Variants in CRYBG1 observed in about 807,000 individuals in gnomAD.
CRYBG1 encodes crystallin beta-gamma domain containing 1.
A neutral mutation model predicts 189.2 loss-of-function variants in CRYBG1; 139 were observed. The ratio of observed to expected loss-of-function variants is 0.73; its 90% CI spans 0.64 to 0.85. CRYBG1 has a LOEUF of 0.85. CRYBG1 is among the 40% of genes least tolerant of loss of function. The probability of loss-of-function intolerance (pLI) is 0.00; values close to 1 mark genes in which losing one functional copy is unlikely to be tolerated. For missense variants in CRYBG1, 2,611 were observed against 2,675.8 expected (o/e 0.98, Z 0.53); for synonymous variants, 1,023 against 1,017.1 (o/e 1.01, Z -0.11).
At chr6:106,371,611 A>G (rs1055616051) in intron 1 of CRYBG1, among the ~76,000 whole-genome samples, 5 of 152,212 alleles carry the variant, frequency 3.3e-5, no homozygotes, top group African/African-American at 1.2e-4. Flanking sequence ...GGACTCAATT[A>G]TCAATCAGGA....
At chr6:106,401,604 T>G (rs1174371722) in intron 1 of CRYBG1, among the ~76,000 whole-genome samples, 1 of 111,780 alleles carries the variant, frequency 8.9e-6, no homozygotes, top group Non-Finnish European at 1.8e-5. Flanking sequence ...CCCCTTCCTG[T>G]GTCCAAGTGA....
chr6:106,372,840 G>A (rs1353821232), intron 1 of CRYBG1, among the ~76,000 whole-genome samples: 1 of 152,144 alleles, frequency 6.6e-6, no homozygotes, highest in African/African-American at 2.4e-5. Context: ...GTGCCAAATA[G>A]GTATTTCTAC....
At chr6:106,473,457 G>A (rs540167157) in intron 2 of CRYBG1, among the ~76,000 whole-genome samples, 1 of 152,164 alleles carries the variant, frequency 6.6e-6, no homozygotes. Context: ...CTATACAGTG[G>A]TTAGTATACA....
intron 1 of CRYBG1, among the ~76,000 whole-genome samples, chr6:106,379,280 G>A (rs758073622): frequency 1.4e-4 from 20 of 143,804 alleles, no homozygotes; most frequent in African/African-American, 3.1e-4. Flanking sequence ...TTTTTTTTTC[G>A]AGACAGAGTC....
chr6:106,568,634 G>A lies in CRYBG1; in HGVS notation c.*68G>A, dbSNP rs1774964824. ...CTTATTTCTTAAAAAGGACAATGCTGATGGAAGACCAGACTGGAAAGTGGA... is the reference window on the plus strand; with the variant it reads ...CTTATTTCTTAAAAAGGACAATGCTAATGGAAGACCAGACTGGAAAGTGGA... On this transcript the variant is annotated 3_prime_UTR_variant, in exon 22 of 22. Coordinates refer to ENST00000633556, the MANE Select transcript of CRYBG1 (RefSeq NM_001371242.2). 8.5e-7 allele frequency: 1 copy of A among 1,171,938 alleles called. No homozygotes were observed. Among genetic ancestry groups the A allele is most frequent in the East Asian group, 2.3e-5 (1 of 42,694 alleles). 72.6% of individuals were successfully genotyped at this position (1,171,938 alleles called of 1,614,324 possible).
At chr6:106,392,386 T>A (rs1381016650) in intron 1 of CRYBG1, among the ~76,000 whole-genome samples, 1 of 152,130 alleles carries the variant, frequency 6.6e-6, no homozygotes, top group Non-Finnish European at 1.5e-5. Context: ...TGATTTCTCA[T>A]CCTCTTTCTT....
At chr6:106,499,461 G>A (rs1772951748) in intron 2 of CRYBG1, among the ~76,000 whole-genome samples, 1 of 151,120 alleles carries the variant, frequency 6.6e-6, no homozygotes, top group Non-Finnish European at 1.5e-5. Flanking sequence ...CACCCAGCCT[G>A]TGTGTGTTTT....
chr6:106,463,683 A>G (rs564360929), intron 2 of CRYBG1, among the ~76,000 whole-genome samples: 13 of 152,358 alleles, frequency 8.5e-5, no homozygotes, highest in African/African-American at 2.6e-4. Context: ...CATATCAGTC[A>G]GATAAAGCCT....
Position 106,367,795 on chromosome 6 carries a change from T to C in CRYBG1, c.173+6714T>C, listed in dbSNP as rs1361646101. ...CTAGGCAACAAACTCAGACCCTGCT[T>C]ATCCAAAAAAAAAAAAAAAAAATTA... On this transcript the variant is annotated intron_variant, in intron 1 of 21. Transcript: ENST00000633556. 5.1e-5 allele frequency among the ~76,000 whole-genome samples: 4 copies of C among 79,020 alleles called. No individual in the cohort carries two copies. In the South Asian group the frequency reaches 1.5e-3, roughly 30 times the overall value. The allele number at this position is 79,020 out of a possible 152,430, so 51.8% of individuals were successfully genotyped here.
intron 4 of CRYBG1, among the ~76,000 whole-genome samples, chr6:106,521,780 G>A (rs1337581511): frequency 1.4e-5 from 2 of 140,730 alleles, no homozygotes; most frequent in Non-Finnish European, 3.0e-5. Context: ...GTGCAGTGGT[G>A]CAATCTCAGC....
intron 2 of CRYBG1, among the ~76,000 whole-genome samples, chr6:106,474,777 G>C (rs1370695979): frequency 2.0e-5 from 3 of 152,138 alleles, no homozygotes; most frequent in African/African-American, 7.2e-5. Context: ...TGGAGACAAG[G>C]GAGGGCAGAG....
chr6:106,514,768 G>A (rs936152763), intron 3 of CRYBG1, among the ~76,000 whole-genome samples: 8 of 152,290 alleles, frequency 5.3e-5, no homozygotes, highest in South Asian at 2.1e-4. Flanking sequence ...GAAATTCTTC[G>A]TTTGCTGTTC....
chr6:106,373,169 C>A (rs149180536), intron 1 of CRYBG1, among the ~76,000 whole-genome samples: 2 of 152,254 alleles, frequency 1.3e-5, no homozygotes, highest in Non-Finnish European at 2.9e-5. Flanking sequence ...AGAAGGGTAT[C>A]CAGGAACAAA....
chr6:106,445,314 A>G (rs1771645890), intron 1 of CRYBG1, among the ~76,000 whole-genome samples: 1 of 152,184 alleles, frequency 6.6e-6, no homozygotes, highest in Non-Finnish European at 1.5e-5. Flanking sequence ...TTAGTCTCTG[A>G]GTGAGGAGTT....
intron 1 of CRYBG1, among the ~76,000 whole-genome samples, chr6:106,451,122 T>C (rs752354714): frequency 6.6e-6 from 1 of 152,240 alleles, no homozygotes; most frequent in Admixed American, 6.5e-5. Context: ...CAGTGAAGGG[T>C]TGGATAAAGG....
At chr6:106,436,963 T>C (rs757975905) in intron 1 of CRYBG1, among the ~76,000 whole-genome samples, 3 of 150,692 alleles carry the variant, frequency 2.0e-5, no homozygotes, top group South Asian at 4.2e-4. Context: ...AATTTTAAAA[T>C]TGTATCCCAA....
At chr6:106,551,521 T>C (rs1487583985) in intron 13 of CRYBG1, among the ~76,000 whole-genome samples, 1 of 152,266 alleles carries the variant, frequency 6.6e-6, no homozygotes, top group Non-Finnish European at 1.5e-5. Flanking sequence ...CGTTTTCCCC[T>C]GGGTATATCC....
At chr6:106,446,579 T>TA (rs67316097) in intron 1 of CRYBG1, among the ~76,000 whole-genome samples, 19,213 of 152,222 alleles carry the variant, frequency 0.13, 1,261 homozygotes, top group Middle Eastern at 0.2. Flanking sequence ...CAAGAATTAT[T>TA]AAAAAACTTA....
chr6:106,475,672 C>A (rs1264681668), intron 2 of CRYBG1, among the ~76,000 whole-genome samples: 1 of 152,126 alleles, frequency 6.6e-6, no homozygotes, highest in Non-Finnish European at 1.5e-5. Context: ...CTTTGAGAGT[C>A]GGGGCTTTAT....
Sources: allele counts gnomAD v4.1 joint callset (sites outside exome capture counted in the v4.1 genomes callset), GRCh38; gene constraint gnomAD v4.1.1; transcripts MANE v1.5; gene names NCBI Gene and HGNC (gene_info 2026-07-23, HGNC 2026-07-21).